Variants in PAM observed in about 807,000 individuals in gnomAD.
PAM encodes peptidyl-glycine alpha-amidating monooxygenase.
A neutral mutation model predicts 122.1 loss-of-function variants in PAM; 72 were observed. The ratio of observed to expected loss-of-function variants is 0.59; its 90% CI spans 0.49 to 0.72. The LOEUF is 0.72. Ranked by LOEUF, PAM falls within the 30% of genes least tolerant of loss-of-function variation. The pLI is 0.00. For synonymous variants in PAM, 389 were observed against 404.4 expected (o/e 0.96, Z 0.46); for missense variants, 1,106 against 1,183.7 (o/e 0.93, Z 0.96).
intron 1 of PAM, among the ~76,000 whole-genome samples, chr5:102,779,916 TATACACAC>T (rs1384161086): frequency 3.0e-5 from 2 of 65,882 alleles, no homozygotes; most frequent in African/African-American, 1.5e-4. Context: ...TATATATATA[TATACACAC>T]ATATATATAT....
chr5:102,978,741 C>A (rs1262981678), intron 15 of PAM, among the ~76,000 whole-genome samples: 1 of 151,716 alleles, frequency 6.6e-6, no homozygotes, highest in Non-Finnish European at 1.5e-5. Flanking sequence ...CAGCCATAGT[C>A]TTACCTCTAG....
At chr5:102,911,070 G>T (rs757575520) in intron 4 of PAM, among the ~76,000 whole-genome samples, 3 of 151,910 alleles carry the variant, frequency 2.0e-5, no homozygotes, top group Admixed American at 1.3e-4. Context: ...CAGTGAAATT[G>T]TCCAAGTGCT....
chr5:102,814,212 A>C (rs1580454567), intron 1 of PAM, among the ~76,000 whole-genome samples: 1 of 152,168 alleles, frequency 6.6e-6, no homozygotes, highest in Non-Finnish European at 1.5e-5. Flanking sequence ...GTAAATTCAA[A>C]CCTTCCAATA....
chr5:102,944,687 G>C (rs1383159628), intron 7 of PAM, among the ~76,000 whole-genome samples: 12 of 152,054 alleles, frequency 7.9e-5, no homozygotes, highest in African/African-American at 2.9e-4. Context: ...GTCATGGAAG[G>C]ACCCTGAAAC....
intron 7 of PAM, among the ~76,000 whole-genome samples, chr5:102,939,890 T>A (rs1754531821): frequency 6.6e-6 from 1 of 152,046 alleles, no homozygotes; most frequent in African/African-American, 2.4e-5. Flanking sequence ...TGATTTTAGG[T>A]TGACCTTAAA....
chr5:102,779,238 G>GTGTATA (rs200108807), intron 1 of PAM, among the ~76,000 whole-genome samples: 4,116 of 149,190 alleles, frequency 0.028, 101 homozygotes, highest in East Asian at 0.13. Flanking sequence ...ATATATATGT[G>GTGTATA]TATATATATA....
intron 1 of PAM, among the ~76,000 whole-genome samples, chr5:102,862,621 C>T (rs544338658): frequency 1.3e-5 from 2 of 152,216 alleles, no homozygotes; most frequent in African/African-American, 4.8e-5. Flanking sequence ...TGATTATCAC[C>T]GTCCCCAGCA....
At chr5:102,797,568 A>AT (rs1259097866) in intron 1 of PAM, among the ~76,000 whole-genome samples, 1 of 152,154 alleles carries the variant, frequency 6.6e-6, no homozygotes, top group African/African-American at 2.4e-5. Context: ...CTGCATTTCC[A>AT]TTTTGCATAA....
At chr5:102,950,017 T>C (rs775335529) in intron 11 of PAM, 39 bp downstream of exon 11, 2 of 1,016,222 alleles carry the variant, frequency 2.0e-6, no homozygotes, top group Non-Finnish European at 1.5e-6. Flanking sequence ...GAAAAAAATA[T>C]TAACCAGCAG....
chr5:102,859,335 A>AGTGT (rs57728525), intron 1 of PAM, among the ~76,000 whole-genome samples: 3,326 of 142,382 alleles, frequency 0.023, 102 homozygotes, highest in African/African-American at 0.076. Context: ...GGCCCAGGCT[A>AGTGT]GTGTGTGTGT....
At chr5:102,876,755 C>G (rs985520922) in intron 3 of PAM, among the ~76,000 whole-genome samples, 1 of 152,196 alleles carries the variant, frequency 6.6e-6, no homozygotes, top group Non-Finnish European at 1.5e-5. Flanking sequence ...TGTTTGCTAG[C>G]TGGAAATTAC....
At chr5:102,822,659 G>A (rs1772352283) in intron 1 of PAM, among the ~76,000 whole-genome samples, 1 of 152,060 alleles carries the variant, frequency 6.6e-6, no homozygotes, top group African/African-American at 2.4e-5. Flanking sequence ...CCAGTTCCCA[G>A]AACTGCCCTA....
intron 1 of PAM, among the ~76,000 whole-genome samples, chr5:102,790,087 G>T (rs1279045726): frequency 1.3e-5 from 2 of 152,000 alleles, no homozygotes; most frequent in Non-Finnish European, 2.9e-5. Context: ...AATATTTGTT[G>T]ATTGTTATTT....
At chr5:102,779,247 T>C (rs1478208701) in intron 1 of PAM, among the ~76,000 whole-genome samples, 2 of 150,926 alleles carry the variant, frequency 1.3e-5, no homozygotes, top group Non-Finnish European at 3.0e-5. Flanking sequence ...TGTATATATA[T>C]ATATGTATAT....
At chr5:102,958,430 G>A (rs992233283) in intron 12 of PAM, among the ~76,000 whole-genome samples, 1 of 151,944 alleles carries the variant, frequency 6.6e-6, no homozygotes, top group Non-Finnish European at 1.5e-5. Context: ...ATGGCGGGAG[G>A]CTCCAGTTTA....
chr5:102,809,735 G>A (rs1767371092), intron 1 of PAM, among the ~76,000 whole-genome samples: 1 of 152,204 alleles, frequency 6.6e-6, no homozygotes, highest in Admixed American at 6.5e-5. Flanking sequence ...CTGTGAGAGA[G>A]GGTGAAACAT....
At chr5:102,820,476 G>A (rs533857481) in intron 1 of PAM, among the ~76,000 whole-genome samples, 1 of 152,246 alleles carries the variant, frequency 6.6e-6, no homozygotes, top group African/African-American at 2.4e-5. Context: ...CAATTTTAAT[G>A]CAGATAAGTG....
intron 1 of PAM, among the ~76,000 whole-genome samples, chr5:102,858,489 T>C (rs1482083573): frequency 6.6e-6 from 1 of 152,210 alleles, no homozygotes; most frequent in African/African-American, 2.4e-5. Context: ...ATGTTGATAG[T>C]GCTGAACTTA....
intron 1 of PAM, among the ~76,000 whole-genome samples, chr5:102,784,954 A>G (rs1379048944): frequency 6.6e-6 from 1 of 152,218 alleles, no homozygotes; most frequent in Non-Finnish European, 1.5e-5. Flanking sequence ...AATCAGAATC[A>G]CCTGGAGGAT....
Sources: allele counts gnomAD v4.1 joint callset (sites outside exome capture counted in the v4.1 genomes callset), GRCh38; gene constraint gnomAD v4.1.1; transcripts MANE v1.5; gene names NCBI Gene and HGNC (gene_info 2026-07-23, HGNC 2026-07-21).